The following NRXN3 variants were observed in gnomAD, a reference collection of about 807,000 sequenced individuals.
The protein encoded by NRXN3 is neurexin 3.
NRXN3 carries 32 observed loss-of-function variants against 137.6 expected under a neutral mutation model. The observed-to-expected ratio is 0.23, with a 90% confidence interval of 0.18 to 0.31. The LOEUF (loss-of-function observed/expected upper bound fraction) is 0.31, where lower values mean the gene tolerates loss of function less well. NRXN3 is among the 10% of genes least tolerant of loss of function. NRXN3 has a pLI of 1.00. For missense variants in NRXN3, 1,574 were observed against 2,062.5 expected, an observed-to-expected ratio of 0.76 and a Z score of 4.59; for synonymous variants, 798 against 784.5, an observed-to-expected ratio of 1.02 and a Z score of -0.29.
chr14:78,726,972 A>C (rs556399735), intron 8 of NRXN3, among the ~76,000 whole-genome samples: 5 of 151,932 alleles, frequency 3.3e-5, no homozygotes, highest in African/African-American at 7.2e-5. Flanking sequence ...AAAAAAAAAA[A>C]AAAAAACCTT....
At chr14:79,525,960 C>T (rs563149917) in intron 16 of NRXN3, among the ~76,000 whole-genome samples, 26 of 152,304 alleles carry the variant, frequency 1.7e-4, no homozygotes, top group African/African-American at 6.0e-4. Flanking sequence ...TAGCTCACTG[C>T]AGCTTCTGAC....
Position 78,323,720 on chromosome 14 carries a change from T to G in NRXN3, c.757+25860T>G, listed in dbSNP as rs565465731. 5.3e-5 allele frequency among the ~76,000 whole-genome samples: 8 copies of G among 152,068 alleles called. No individual in the cohort carries two copies. In the South Asian group the frequency reaches 1.7e-3, roughly 32 times the overall value. On this transcript the variant is annotated intron_variant, in intron 4 of 20. Coordinates refer to ENST00000335750, the MANE Select transcript of NRXN3 (RefSeq NM_001330195.2). Reference sequence around the variant, plus strand: ...TACGAATATTCTCATGCCAAGGAAGTGCTTCCCTAGGCCTTGTGAATAAAG... The same window carrying G: ...TACGAATATTCTCATGCCAAGGAAGGGCTTCCCTAGGCCTTGTGAATAAAG...
intron 16 of NRXN3, among the ~76,000 whole-genome samples, chr14:79,585,697 A>C (rs1297011304): frequency 6.7e-6 from 1 of 149,710 alleles, no homozygotes; most frequent in Non-Finnish European, 1.5e-5. Context: ...AAAAAAACAA[A>C]AAAAAAAAAA....
intron 19 of NRXN3, among the ~76,000 whole-genome samples, chr14:79,732,116 T>C (rs562043506): frequency 6.6e-6 from 1 of 152,250 alleles, no homozygotes; most frequent in South Asian, 2.1e-4. Context: ...CTCTAGCACA[T>C]AGTATCCTGG....
intron 15 of NRXN3, among the ~76,000 whole-genome samples, chr14:79,191,941 AC>A (rs1445513128): frequency 6.6e-6 from 1 of 152,018 alleles, no homozygotes; most frequent in African/African-American, 2.4e-5. Flanking sequence ...CACAGGACCA[AC>A]CAAGAACCCA....
chr14:78,964,978 G>A (rs1212917390), intron 11 of NRXN3, among the ~76,000 whole-genome samples: 3 of 152,036 alleles, frequency 2.0e-5, no homozygotes, highest in East Asian at 3.9e-4. Flanking sequence ...TGAAAAAGCC[G>A]GGAGGTGCCT....
chr14:78,314,683 A>G (rs1207366871), intron 4 of NRXN3, among the ~76,000 whole-genome samples: 6 of 152,192 alleles, frequency 3.9e-5, no homozygotes, highest in Non-Finnish European at 4.4e-5. Context: ...TGGTGGCTAC[A>G]GTGACAGTCT....
intron 4 of NRXN3, among the ~76,000 whole-genome samples, chr14:78,494,665 A>G (rs1466413172): frequency 6.6e-6 from 1 of 152,154 alleles, no homozygotes; most frequent in Non-Finnish European, 1.5e-5. Context: ...GCCCAAAAAA[A>G]TATGTGATTC....
intron 10 of NRXN3, among the ~76,000 whole-genome samples, chr14:78,813,192 A>T (rs1005685979): frequency 1.3e-5 from 2 of 152,230 alleles, no homozygotes; most frequent in Non-Finnish European, 2.9e-5. Flanking sequence ...TCTCTATTTC[A>T]TCCCTGGTAT....
chr14:79,204,142 G>A (rs1348230281), intron 15 of NRXN3, among the ~76,000 whole-genome samples: 3 of 152,046 alleles, frequency 2.0e-5, no homozygotes, highest in African/African-American at 7.2e-5. Context: ...TAATATGTGA[G>A]TAAAAAGATA....
chr14:79,801,840 G>T (rs2099182565), intron 19 of NRXN3, among the ~76,000 whole-genome samples: 1 of 151,964 alleles, frequency 6.6e-6, no homozygotes, highest in Admixed American at 6.6e-5. Flanking sequence ...GGGTCAGAAG[G>T]TGAAAGATGA....
At chr14:78,625,004 G>C (rs896896457) in intron 4 of NRXN3, among the ~76,000 whole-genome samples, 1 of 152,042 alleles carries the variant, frequency 6.6e-6, no homozygotes, top group East Asian at 1.9e-4. Flanking sequence ...ACCATGCCCG[G>C]CTAATTTTTG....
chr14:79,457,674 G>A (rs1241338344), intron 15 of NRXN3, among the ~76,000 whole-genome samples: 3 of 152,126 alleles, frequency 2.0e-5, no homozygotes, highest in Non-Finnish European at 4.4e-5. Context: ...AAAGTCATCC[G>A]TTTACAGCCC....
chr14:79,586,654 T>A (rs2097767340), intron 16 of NRXN3, among the ~76,000 whole-genome samples: 1 of 152,144 alleles, frequency 6.6e-6, no homozygotes, highest in Non-Finnish European at 1.5e-5. Flanking sequence ...ATCTTGATTG[T>A]AGGTTGAGGG....
At chr14:78,433,375 G>T (rs1255675486) in intron 4 of NRXN3, among the ~76,000 whole-genome samples, 2 of 151,990 alleles carry the variant, frequency 1.3e-5, no homozygotes, top group Non-Finnish European at 2.9e-5. Flanking sequence ...ATTCTATTGG[G>T]CCCACCTAGA....
intron 19 of NRXN3, among the ~76,000 whole-genome samples, chr14:79,792,638 A>T (rs1421203077): frequency 6.6e-6 from 1 of 152,110 alleles, no homozygotes; most frequent in East Asian, 1.9e-4. Flanking sequence ...AATTAAAAAT[A>T]TTTTTCTGAC....
At position 78,967,222 on chromosome 14, in the gene NRXN3, T is replaced by A. The variant is rs990146612; in HGVS notation, c.2792T>A (p.Val931Asp). ...VELVKGYIHYVFDLGNGPNVI... is the reference protein window; with the variant it reads ...VELVKGYIHYDFDLGNGPNVI... The stretch of plus-strand genomic sequence containing the variant: ...TTTCTTCCTAGGTATATACACTACG[T>A]TTTTGACCTCGGAAACGGTCCCAAT... Residue 931 changes from valine (V) to aspartate (D), a missense_variant, in exon 13 of 21, where the codon GTT (valine) becomes GAT (aspartate). By Grantham distance (152) the Val-to-Asp change is radical. Transcript: ENST00000335750. The A allele has an allele frequency of 8.1e-6, 13 of 1,613,076 alleles. No individual in the cohort carries two copies. Among genetic ancestry groups the A allele is most frequent in the Non-Finnish European group, 8.5e-6 (10 of 1,179,524 alleles).
chr14:79,503,529 C>T (rs1476993159), intron 16 of NRXN3, among the ~76,000 whole-genome samples: 1 of 152,132 alleles, frequency 6.6e-6, no homozygotes. Flanking sequence ...CTTTACCTGA[C>T]ACATTTAGAT....
At chr14:79,160,012 C>T (rs900542287) in intron 15 of NRXN3, among the ~76,000 whole-genome samples, 1 of 151,820 alleles carries the variant, frequency 6.6e-6, no homozygotes, top group African/African-American at 2.4e-5. Flanking sequence ...AAATGGCTTG[C>T]AGGAAATTCC....
Sources: allele counts gnomAD v4.1 joint callset (sites outside exome capture counted in the v4.1 genomes callset), GRCh38; gene constraint gnomAD v4.1.1; transcripts MANE v1.5; gene names NCBI Gene and HGNC (gene_info 2026-07-23, HGNC 2026-07-21).